The following EPHB2 variants were observed in gnomAD, a reference collection of about 807,000 sequenced individuals.
The protein encoded by EPHB2 is EPH receptor B2, also known as ephrin type-B receptor 2.
A neutral mutation model predicts 96.4 loss-of-function variants in EPHB2; 18 were observed. The ratio of observed to expected loss-of-function variants is 0.19; its 90% CI spans 0.13 to 0.28. The LOEUF is 0.28. EPHB2 is among the 10% of genes least tolerant of loss of function. The pLI, the probability that EPHB2 is intolerant of heterozygous loss-of-function variation, is 1.00. For missense variants in EPHB2, 989 were observed against 1,355.4 expected (o/e 0.73, Z 4.25); for synonymous variants, 506 against 534.1 (o/e 0.95, Z 0.72).
At chr1:22,721,528 A>C (rs1643466400) in intron 1 of EPHB2, among the ~76,000 whole-genome samples, 1 of 152,204 alleles carries the variant, frequency 6.6e-6, no homozygotes, top group Non-Finnish European at 1.5e-5. Context: ...AGTCTAAAAA[A>C]GGCAGGTGCT....
chr1:22,732,590 C>A (rs1643742752), intron 1 of EPHB2, among the ~76,000 whole-genome samples: 4 of 152,156 alleles, frequency 2.6e-5, no homozygotes, highest in African/African-American at 4.8e-5. Flanking sequence ...TTTAAAGCTG[C>A]CTTTTGTGCC....
intron 3 of EPHB2, among the ~76,000 whole-genome samples, chr1:22,812,792 G>A (rs1202596948): frequency 3.3e-5 from 5 of 152,212 alleles, no homozygotes; most frequent in Non-Finnish European, 4.4e-5. Context: ...ATCGTGGGTG[G>A]GAGTCGAGCA....
intron 1 of EPHB2, among the ~76,000 whole-genome samples, chr1:22,748,845 A>G (rs1644016426): frequency 6.8e-6 from 1 of 148,096 alleles, no homozygotes; most frequent in South Asian, 2.3e-4. Context: ...GTGCAAAAGT[A>G]ATTGTGGTTT....
chr1:22,774,735 C>T, intron 1 of EPHB2: 1 of 485,870 alleles, frequency 2.1e-6, no homozygotes, highest in Non-Finnish European at 2.7e-6. Context: ...GGCGATCACA[C>T]ATGGACTTTA....
chr1:22,864,866 C>T lies in EPHB2; in HGVS notation c.968-11C>T, dbSNP rs773732806. The T allele has an allele frequency of 1.9e-6, 3 of 1,593,720 alleles. No homozygotes were observed. Among genetic ancestry groups the T allele is most frequent in the Middle Eastern group, 1.7e-4 (1 of 5,950 alleles). On this transcript the variant is annotated splice_polypyrimidine_tract_variant and intron_variant, in intron 4 of 15. Transcript: ENST00000374630. ...AGCCCCCCACTGACCAACACCTCTC[C>T]CCCGCCCCAGCCATCCCCTCCGCGC...
intron 1 of EPHB2, among the ~76,000 whole-genome samples, chr1:22,715,488 A>G (rs1643269981): frequency 6.6e-6 from 1 of 150,698 alleles, no homozygotes; most frequent in Non-Finnish European, 1.5e-5. Context: ...TCTAAGACCC[A>G]GCGACCTTCC....
chr1:22,876,255 G>A lies in EPHB2; in HGVS notation c.1304-6104G>A, dbSNP rs76413168. Among the ~76,000 whole-genome samples the A allele has an allele frequency of 7.1e-3, 1,088 of 152,206 alleles. 15 individuals are homozygous for A. The highest frequency in any genetic ancestry group is 0.025 in the African/African-American group (1,034 of 41,512). On this transcript the variant is annotated intron_variant, in intron 5 of 15. Transcript: ENST00000374630. ...ACCAGTGAAAGGGTCGTAGCTCCGG[G>A]TTGTGAGGGGAAGCTGAGCCAATCC...
intron 1 of EPHB2, among the ~76,000 whole-genome samples, chr1:22,778,074 G>C (rs1344127140): frequency 6.6e-6 from 1 of 152,196 alleles, no homozygotes; most frequent in Non-Finnish European, 1.5e-5. Context: ...CGCCCAGGCT[G>C]GCGTGCAATG....
At chr1:22,864,034 CTTTTTTTTT>C (rs201727615) in intron 4 of EPHB2, among the ~76,000 whole-genome samples, 3 of 131,160 alleles carry the variant, frequency 2.3e-5, no homozygotes, top group African/African-American at 3.3e-5. Flanking sequence ...AGTTTCTGTT[CTTTTTTTTT>C]TTTTTTTTTT....
intron 1 of EPHB2, among the ~76,000 whole-genome samples, chr1:22,753,669 G>T (rs1021983782): frequency 6.6e-6 from 1 of 152,116 alleles, no homozygotes; most frequent in Non-Finnish European, 1.5e-5. Context: ...TGGGGGAGAG[G>T]CAGGAGATGA....
intron 3 of EPHB2, among the ~76,000 whole-genome samples, chr1:22,840,896 C>A (rs766222888): frequency 1.5e-4 from 23 of 152,188 alleles, no homozygotes; most frequent in Non-Finnish European, 2.6e-4. Context: ...TTATTACCCT[C>A]ATTTATCATA....
At chr1:22,898,904 C>T (rs1639658305) in intron 9 of EPHB2, among the ~76,000 whole-genome samples, 2 of 152,132 alleles carry the variant, frequency 1.3e-5, no homozygotes, top group South Asian at 4.1e-4. Context: ...AGTAAAAGTT[C>T]CTGGGCTTAA....
chr1:22,812,754 C>T (rs952858098), intron 3 of EPHB2, among the ~76,000 whole-genome samples: 10 of 152,206 alleles, frequency 6.6e-5, no homozygotes, highest in African/African-American at 2.4e-4. Context: ...AGATGGGACT[C>T]CATAAACAGC....
intron 3 of EPHB2, among the ~76,000 whole-genome samples, chr1:22,861,142 T>C (rs886202635): frequency 6.6e-6 from 1 of 152,184 alleles, no homozygotes; most frequent in Non-Finnish European, 1.5e-5. Flanking sequence ...CAATATAAAC[T>C]GACAACAACT....
intron 1 of EPHB2, among the ~76,000 whole-genome samples, chr1:22,717,440 T>G (rs920525008): frequency 1.3e-5 from 2 of 152,176 alleles, no homozygotes; most frequent in Admixed American, 6.5e-5. Flanking sequence ...ACACCCTCAC[T>G]AGGTGAGCTT....
chr1:22,816,045 C>A (rs537253192), intron 3 of EPHB2, among the ~76,000 whole-genome samples: 1 of 152,298 alleles, frequency 6.6e-6, no homozygotes, highest in South Asian at 2.1e-4. Flanking sequence ...CTCTCTGGGC[C>A]TTCTTTTCCC....
chr1:22,756,890 T>A (rs1281866089), intron 1 of EPHB2, among the ~76,000 whole-genome samples: 1 of 152,174 alleles, frequency 6.6e-6, no homozygotes, highest in Non-Finnish European at 1.5e-5. Flanking sequence ...TTACTAACAG[T>A]ATGCTGGGTA....
At chr1:22,893,420 C>T (rs1639454440) in intron 7 of EPHB2, among the ~76,000 whole-genome samples, 1 of 152,162 alleles carries the variant, frequency 6.6e-6, no homozygotes, top group African/African-American at 2.4e-5. Context: ...TGACTTACAA[C>T]TGGACTGAGA....
chr1:22,803,074 G>C (rs571951540), intron 3 of EPHB2, among the ~76,000 whole-genome samples: 78 of 152,282 alleles, frequency 5.1e-4, no homozygotes, highest in African/African-American at 1.8e-3. Context: ...CCAGCACAGA[G>C]ACCTGGAGGA....
Sources: allele counts gnomAD v4.1 joint callset (sites outside exome capture counted in the v4.1 genomes callset), GRCh38; gene constraint gnomAD v4.1.1; transcripts MANE v1.5; gene names NCBI Gene and HGNC (gene_info 2026-07-23, HGNC 2026-07-21).